The following CTNNA2 variants were observed in gnomAD, a reference collection of about 807,000 sequenced individuals.
CTNNA2 encodes catenin alpha 2.
CTNNA2 carries 42 observed loss-of-function variants against 101.0 expected under a neutral mutation model. That is an observed-to-expected ratio of 0.42 (90% CI 0.32 to 0.54). CTNNA2 has a LOEUF of 0.54. Ranked by LOEUF, CTNNA2 falls within the 20% of genes least tolerant of loss-of-function variation. The pLI, the probability that CTNNA2 is intolerant of heterozygous loss-of-function variation, is 0.14. For synonymous variants in CTNNA2, 450 were observed against 456.4 expected (o/e 0.99, Z 0.18); for missense variants, 871 against 1,223.1 (o/e 0.71, Z 4.29).
chr2:80,098,697 C>T (rs1032904414), intron 7 of CTNNA2, among the ~76,000 whole-genome samples: 3 of 152,154 alleles, frequency 2.0e-5, no homozygotes, highest in Admixed American at 1.3e-4. Context: ...ACTCAAGCCT[C>T]GGAAATGGCA....
At chr2:79,445,305 T>C (rs12623907) in intron 4 of CTNNA2, among the ~76,000 whole-genome samples, 46,092 of 152,074 alleles carry the variant, frequency 0.3, 7,211 homozygotes, top group South Asian at 0.44. Flanking sequence ...ATGCATTGTC[T>C]TCAAAGTAGA....
intron 7 of CTNNA2, among the ~76,000 whole-genome samples, chr2:80,372,969 A>G (rs972832387): frequency 6.6e-6 from 1 of 152,216 alleles, no homozygotes; most frequent in Admixed American, 6.5e-5. Flanking sequence ...GCCCTCCACA[A>G]CAAAGAATTA....
At chr2:79,682,478 T>C (rs867278621) in intron 2 of CTNNA2, among the ~76,000 whole-genome samples, 9 of 151,428 alleles carry the variant, frequency 5.9e-5, no homozygotes, top group Admixed American at 1.3e-4. Flanking sequence ...GTAATGTGGT[T>C]CCATTCTTTT....
chr2:79,554,457 T>C (rs1674315259), intron 1 of CTNNA2, among the ~76,000 whole-genome samples: 1 of 152,136 alleles, frequency 6.6e-6, no homozygotes, highest in African/African-American at 2.4e-5. Context: ...TTTTATACAC[T>C]GTACTATAGA....
chr2:80,328,458 G>A (rs539976664), intron 7 of CTNNA2: 4 of 455,938 alleles, frequency 8.8e-6, no homozygotes, highest in Non-Finnish European at 1.8e-5. Flanking sequence ...GTGTAGAGGG[G>A]AATAGATTTG....
rs138052120 is a variant in CTNNA2 at position 80,102,631 on chromosome 2, G to A, written c.1056+192834G>A. Among the ~76,000 whole-genome samples, 224 of 152,200 alleles carry A rather than the reference G, an allele frequency of 1.5e-3. 2 individuals carry two copies. In the Middle Eastern group the frequency reaches 0.017, roughly 12 times the overall value. On this transcript the variant is annotated intron_variant, in intron 7 of 18. Transcript: ENST00000402739. The stretch of plus-strand genomic sequence containing the variant: ...GGGTTCAAGTGATTTTCCTGCCTCA[G>A]CCTCCTGAGTAGTTGGGACTACAGG...
intron 1 of CTNNA2, among the ~76,000 whole-genome samples, chr2:79,530,345 AT>A (rs1185060365): frequency 2.0e-5 from 3 of 152,162 alleles, no homozygotes; most frequent in African/African-American, 7.2e-5. Context: ...AAACAAAGAT[AT>A]TTTACTGTTA....
chr2:80,288,398 C>G (rs1046881666), intron 7 of CTNNA2: 5 of 152,142 alleles, frequency 3.3e-5, no homozygotes, highest in African/African-American at 4.8e-5. Flanking sequence ...CACACTCATA[C>G]TTTTTGAGCC....
At chr2:79,701,426 C>T (rs1362193517) in intron 2 of CTNNA2, among the ~76,000 whole-genome samples, 1 of 151,296 alleles carries the variant, frequency 6.6e-6, no homozygotes, top group Non-Finnish European at 1.5e-5. Context: ...GTACCTGGGT[C>T]CCCTTGTCAC....
At chr2:79,473,678 AG>A (rs1422867955) in intron 4 of CTNNA2, among the ~76,000 whole-genome samples, 2 of 152,162 alleles carry the variant, frequency 1.3e-5, no homozygotes, top group Non-Finnish European at 2.9e-5. Flanking sequence ...ATGGAGAAAA[AG>A]AAAAAGTCTT....
intron 1 of CTNNA2, chr2:79,548,183 A>T (rs891204837): frequency 2.0e-5 from 3 of 152,210 alleles, no homozygotes; most frequent in East Asian, 1.9e-4. Context: ...ACTAAACTAA[A>T]TTATGTTTTA....
intron 7 of CTNNA2, among the ~76,000 whole-genome samples, chr2:80,274,980 C>T (rs746031323): frequency 1.3e-5 from 2 of 152,184 alleles, no homozygotes; most frequent in Non-Finnish European, 2.9e-5. Flanking sequence ...TCTCCACCAT[C>T]AATTATAGCA....
At chr2:79,403,125 TAAAG>T (rs1279539036) in intron 4 of CTNNA2, among the ~76,000 whole-genome samples, 1 of 151,576 alleles carries the variant, frequency 6.6e-6, no homozygotes, top group Non-Finnish European at 1.5e-5. Context: ...AAAGCATAAA[TAAAG>T]AAAACATTAT....
At chr2:79,271,318 G>A (rs1379825112) in intron 2 of CTNNA2, among the ~76,000 whole-genome samples, 2 of 151,946 alleles carry the variant, frequency 1.3e-5, no homozygotes, top group African/African-American at 2.4e-5. Context: ...CTGTTCCCAG[G>A]TGGTGGCTTC....
intron 3 of CTNNA2, among the ~76,000 whole-genome samples, chr2:79,785,842 G>A (rs952590960): frequency 1.2e-4 from 19 of 152,072 alleles, no homozygotes; most frequent in Admixed American, 1.2e-3. Flanking sequence ...CCTATGATAG[G>A]GTATTTCTAA....
intron 3 of CTNNA2, among the ~76,000 whole-genome samples, chr2:79,361,518 C>A (rs1245231400): frequency 6.6e-6 from 1 of 152,104 alleles, no homozygotes; most frequent in African/African-American, 2.4e-5. Context: ...TCATTTTATA[C>A]AATTAGGAGA....
intron 8 of CTNNA2, among the ~76,000 whole-genome samples, chr2:80,395,106 G>A (rs1677887371): frequency 6.6e-6 from 1 of 152,142 alleles, no homozygotes; most frequent in South Asian, 2.1e-4. Flanking sequence ...TTCCTGGAAA[G>A]GGTTGACTCT....
chr2:79,679,925 A>G (rs190316351), intron 2 of CTNNA2, among the ~76,000 whole-genome samples: 3 of 152,208 alleles, frequency 2.0e-5, no homozygotes. Context: ...CAGTTTTTGC[A>G]CCAGATTAGG....
intron 9 of CTNNA2, among the ~76,000 whole-genome samples, chr2:80,461,318 A>G (rs377053193): frequency 4.6e-5 from 7 of 152,140 alleles, no homozygotes; most frequent in East Asian, 1.9e-4. Flanking sequence ...GAATCCTGTT[A>G]TGTTGGAGTT....
Sources: gnomAD v4.1 joint callset for allele counts (sites outside exome capture counted in the v4.1 genomes callset) on GRCh38, gnomAD v4.1.1 for gene constraint, MANE v1.5 for transcripts, NCBI Gene and HGNC (gene_info 2026-07-23, HGNC 2026-07-21) for gene names.